HPSE2: variants seen among roughly 807,000 people sequenced by gnomAD.
HPSE2 encodes the protein heparanase 2 (inactive).
In HPSE2, 38 loss-of-function variants were observed where a neutral mutation model predicts 60.5. The ratio of observed to expected loss-of-function variants is 0.63; its 90% CI spans 0.48 to 0.82. The LOEUF is 0.82. Ranked by LOEUF, HPSE2 falls within the 40% of genes least tolerant of loss-of-function variation. HPSE2 has a pLI of 0.00. For missense variants in HPSE2, 713 were observed against 740.4 expected, an observed-to-expected ratio of 0.96 and a Z score of 0.43; for synonymous variants, 295 against 293.2, an observed-to-expected ratio of 1.01 and a Z score of -0.06.
chr10:98,630,778 A>G (rs1259238817), intron 7 of HPSE2, among the ~76,000 whole-genome samples: 1 of 152,174 alleles, frequency 6.6e-6, no homozygotes, highest in Non-Finnish European at 1.5e-5. Flanking sequence ...TAAATAAATG[A>G]GAGAGATAAT....
chr10:99,101,898 G>A (rs1487610032), intron 3 of HPSE2, among the ~76,000 whole-genome samples: 3 of 152,298 alleles, frequency 2.0e-5, no homozygotes, highest in African/African-American at 2.4e-5. Context: ...GGTACATAAC[G>A]AAAAGAAGGC....
At chr10:99,009,523 A>G (rs1956966405) in intron 3 of HPSE2, among the ~76,000 whole-genome samples, 1 of 152,182 alleles carries the variant, frequency 6.6e-6, no homozygotes, top group African/African-American at 2.4e-5. Context: ...CCTTGCCACC[A>G]TCTGGAAGTA....
chr10:98,869,106 G>GTGTT, intron 3 of HPSE2, among the ~76,000 whole-genome samples: 1 of 151,962 alleles, frequency 6.6e-6, no homozygotes, highest in South Asian at 2.1e-4. Flanking sequence ...CAAAAACAAT[G>GTGTT]TGTTTGCCAT....
intron 9 of HPSE2, among the ~76,000 whole-genome samples, chr10:98,562,628 G>GGGCGT (rs1185740891): frequency 6.7e-6 from 1 of 149,348 alleles, no homozygotes; most frequent in Non-Finnish European, 1.5e-5. Flanking sequence ...GGCAGGAGAA[G>GGGCGT]GGCGTGAACC....
chr10:98,765,282 G>T (rs375460022), intron 3 of HPSE2, among the ~76,000 whole-genome samples: 3 of 152,070 alleles, frequency 2.0e-5, no homozygotes, highest in East Asian at 3.9e-4. Flanking sequence ...AAATATAAAA[G>T]AACTCAAATC....
At chr10:98,582,000 G>A (rs754498401) in intron 9 of HPSE2, among the ~76,000 whole-genome samples, 1 of 152,160 alleles carries the variant, frequency 6.6e-6, no homozygotes, top group Non-Finnish European at 1.5e-5. Context: ...ATTTGTGACT[G>A]TGTGAGCTGT....
At position 98,490,036 on chromosome 10, in the gene HPSE2, T is replaced by C. The variant is rs1021742992; in HGVS notation, c.1466+15A>G. ...CCCCTCAGGTGGCCTTTCTGCCATC[T>C]TTCTGAGGACTTACTTGTGGTGGTT... is the stretch of plus-strand genomic sequence containing the variant. On this transcript the variant is annotated intron_variant, in intron 10 of 11. Coordinates refer to ENST00000370552, the MANE Select transcript of HPSE2 (RefSeq NM_021828.5). The C allele has an allele frequency of 1.2e-6, 2 of 1,614,148 alleles. No homozygotes were observed. Among genetic ancestry groups the C allele is most frequent in the Non-Finnish European group, 8.5e-7 (1 of 1,179,978 alleles).
At chr10:98,780,345 T>A (rs1202518354) in intron 3 of HPSE2, among the ~76,000 whole-genome samples, 1 of 152,182 alleles carries the variant, frequency 6.6e-6, no homozygotes, top group African/African-American at 2.4e-5. Context: ...AATAAATAGC[T>A]AAATTTTTAT....
chr10:99,035,210 G>A (rs1483395281), intron 3 of HPSE2, among the ~76,000 whole-genome samples: 7 of 152,012 alleles, frequency 4.6e-5, no homozygotes, highest in Non-Finnish European at 7.4e-5. Context: ...CTTAAAACAC[G>A]AACAAAAAAT....
At chr10:98,971,168 GACT>G (rs1322057186) in intron 3 of HPSE2, among the ~76,000 whole-genome samples, 1 of 152,100 alleles carries the variant, frequency 6.6e-6, no homozygotes, top group African/African-American at 2.4e-5. Flanking sequence ...GTTTAATACT[GACT>G]ACTACATGTG....
At chr10:99,300,749 C>G in the HPSE2 span, among the ~76,000 whole-genome samples, 2 of 152,182 alleles carry the variant, frequency 1.3e-5, no homozygotes, top group African/African-American at 2.4e-5. Context: ...AAGTAGACCC[C>G]TCTGTTTGGG....
chr10:98,546,051 C>T lies in HPSE2; in HGVS notation c.1321-55855G>A, dbSNP rs1345970033. Among the ~76,000 whole-genome samples, 437 of 128,942 alleles carry T rather than the reference C, an allele frequency of 3.4e-3. 53 individuals are homozygous for T. Among genetic ancestry groups the T allele is most frequent in the Non-Finnish European group, 6.4e-3 (373 of 57,936 alleles). The allele number at this position is 128,942 out of a possible 152,430, so 84.6% of individuals were successfully genotyped here. A position where few individuals can be genotyped will look rare whatever the true frequency, so the allele number is the denominator to read the frequency against. On this transcript the variant is annotated intron_variant, in intron 9 of 11. Coordinates refer to ENST00000370552, the MANE Select transcript of HPSE2 (RefSeq NM_021828.5). Reference sequence around the variant, plus strand: ...CAAATCATGAGTGAACTCCCATTAACAATTGCTTCAAAGAGAATAAAATAC... The same window carrying T: ...CAAATCATGAGTGAACTCCCATTAATAATTGCTTCAAAGAGAATAAAATAC...
At chr10:99,221,376 T>C (rs1454857890) in intron 2 of HPSE2, among the ~76,000 whole-genome samples, 1 of 152,166 alleles carries the variant, frequency 6.6e-6, no homozygotes, top group Non-Finnish European at 1.5e-5. Context: ...CTTTACTAGA[T>C]TGTAGAAACT....
chr10:99,204,238 AC>A (rs1848669496), intron 2 of HPSE2, among the ~76,000 whole-genome samples: 1 of 151,258 alleles, frequency 6.6e-6, no homozygotes, highest in Non-Finnish European at 1.5e-5. Flanking sequence ...CAACAGACCC[AC>A]CCCAGTAGAT....
At chr10:98,696,969 T>C (rs571401322) in intron 5 of HPSE2, among the ~76,000 whole-genome samples, 1 of 151,816 alleles carries the variant, frequency 6.6e-6, no homozygotes, top group Non-Finnish European at 1.5e-5. Context: ...AACAAAAAAA[T>C]GTCCCACAAA....
chr10:98,520,584 G>A (rs955756309), intron 9 of HPSE2, among the ~76,000 whole-genome samples: 12 of 152,166 alleles, frequency 7.9e-5, no homozygotes, highest in African/African-American at 2.2e-4. Flanking sequence ...GCTTCGAGGC[G>A]CAAAGTAAGA....
chr10:98,649,877 G>A (rs1025521328), intron 6 of HPSE2, among the ~76,000 whole-genome samples: 3 of 152,182 alleles, frequency 2.0e-5, no homozygotes, highest in East Asian at 1.9e-4. Flanking sequence ...TTCAGGCTGC[G>A]ATTCTTGAGA....
intron 6 of HPSE2, among the ~76,000 whole-genome samples, chr10:98,657,293 C>T (rs1173166668): frequency 6.7e-6 from 1 of 149,836 alleles, no homozygotes; most frequent in Non-Finnish European, 1.5e-5. Context: ...CCTTCAGTTT[C>T]GTATCCTGCT....
the HPSE2 span, among the ~76,000 whole-genome samples, chr10:99,311,635 C>A: frequency 1.3e-5 from 2 of 152,274 alleles, no homozygotes; most frequent in East Asian, 3.9e-4. Context: ...CTCCTATTCC[C>A]TGATTGAAAT....
Sources: allele counts gnomAD v4.1 joint callset (sites outside exome capture counted in the v4.1 genomes callset), GRCh38; gene constraint gnomAD v4.1.1; transcripts MANE v1.5; gene names NCBI Gene and HGNC (gene_info 2026-07-23, HGNC 2026-07-21).